The following NECAB3 variants were observed in gnomAD, a reference collection of about 807,000 sequenced individuals.
NECAB3 encodes the protein N-terminal EF-hand calcium binding protein 3.
Under a neutral mutation model 57.2 loss-of-function variants are expected in NECAB3, and 38 were observed. The observed-to-expected ratio is 0.66, with a 90% CI of 0.51 to 0.87. The LOEUF (loss-of-function observed/expected upper bound fraction) is 0.87, where lower values mean the gene tolerates loss of function less well. Ranked by LOEUF, NECAB3 falls within the 40% of genes least tolerant of loss-of-function variation. NECAB3 has a pLI of 0.00. For synonymous variants in NECAB3, 223 were observed against 222.6 expected, an observed-to-expected ratio of 1.00 and a Z score of -0.02; for missense variants, 474 against 527.5, an observed-to-expected ratio of 0.90 and a Z score of 0.99.
At chr20:33,662,957 C>G (rs1289293583) in intron 5 of NECAB3, among the ~76,000 whole-genome samples, 2 of 152,150 alleles carry the variant, frequency 1.3e-5, no homozygotes, top group African/African-American at 2.4e-5. Flanking sequence ...AAAAAAAGCC[C>G]AGAAGGGAGG....
At position 33,670,759 on chromosome 20, in the gene NECAB3, T is replaced by C. The variant is rs2017812701; in HGVS notation, c.188A>G (p.Asn63Ser). The change falls in exon 3 of 12, where the codon AAT (asparagine) becomes AGT (serine). Residue 63 changes from asparagine (N) to serine (S), a missense_variant. Asn to Ser is a conservative substitution (Grantham distance 46). Coordinates refer to ENST00000246190, the MANE Select transcript of NECAB3 (RefSeq NM_031232.4). ...DGKLSFEEFQ[N>S]YFADGVLSLG... ...GCTGAGAACCCCATCGGCAAAGTAA[T>C]TCTGGAATTCCTCAAATGAGAGCTT... 6.2e-7 allele frequency: 1 copy of C among 1,614,022 alleles called. No homozygotes were observed. Among genetic ancestry groups the C allele is most frequent in the Non-Finnish European group, 8.5e-7 (1 of 1,179,940 alleles).
chr20:33,663,435 G>T, intron 5 of NECAB3: 1 of 1,324,536 alleles, frequency 7.5e-7, no homozygotes, highest in South Asian at 1.3e-5. Context: ...GACAGGACCC[G>T]GGTGGACGAG....
chr20:33,662,799 G>A, intron 5 of NECAB3: 1 of 281,054 alleles, frequency 3.6e-6, no homozygotes. Flanking sequence ...TTAGCTGGTT[G>A]TGGTGGTGAA....
chr20:33,658,131 C>G lies in NECAB3; in HGVS notation c.1071-98G>C, dbSNP rs922735321. ...GGCCCTTCTCACACTGCCTCTGGAG[C>G]CTCAGTCCTCTCCCCTGTGACACGG... On this transcript the variant is annotated intron_variant, in intron 10 of 11. Transcript: ENST00000246190. The G allele has an allele frequency of 1.0e-5, 11 of 1,057,768 alleles. No individual in the cohort carries two copies. In the Admixed American group the frequency reaches 2.4e-4, roughly 23 times the overall value. The allele number at this position is 1,057,768 out of a possible 1,614,324, so 65.5% of individuals were successfully genotyped here. A position where few individuals can be genotyped will look rare whatever the true frequency, so the allele number is the denominator to read the frequency against.
chr20:33,661,019 G>A (rs747953935), intron 5 of NECAB3, among the ~76,000 whole-genome samples: 1 of 152,194 alleles, frequency 6.6e-6, no homozygotes, highest in Admixed American at 6.5e-5. Flanking sequence ...GCTAGGCCCT[G>A]CATGGCCCAG....
intron 5 of NECAB3, chr20:33,668,073 C>T: frequency 6.3e-7 from 1 of 1,580,512 alleles, no homozygotes; most frequent in Non-Finnish European, 8.6e-7. Context: ...GGCACGGCTA[C>T]GCGGCCCTGC....
intron 5 of NECAB3, chr20:33,667,541 T>G (rs2017700312): frequency 6.5e-7 from 1 of 1,545,236 alleles, no homozygotes; most frequent in African/African-American, 1.4e-5. Context: ...ACCGGCGCGT[T>G]CAGCGGGCTG....
At position 33,668,067 on chromosome 20, in the gene NECAB3, C is replaced by T. The variant is rs142321751; in HGVS notation, c.387+1308G>A. On this transcript the variant is annotated intron_variant, in intron 5 of 11. Coordinates refer to ENST00000246190, the MANE Select transcript of NECAB3 (RefSeq NM_031232.4). The stretch of plus-strand genomic sequence containing the variant: ...AGCTGGAGGCGCAGTGCCGGCGGCA[C>T]GGCTACGCGGCCCTGCGGCCCCACC... 1,675 of 1,573,870 alleles carry T rather than the reference C, an allele frequency of 1.1e-3. 10 individuals are homozygous for T. In the African/African-American group the frequency reaches 0.019, roughly 18 times the overall value.
Position 33,658,503 on chromosome 20 carries a change from G to C in NECAB3, c.1044C>G (p.Phe348Leu). ...LDGASFTLYE[F>L]WQDEASWRRH... Reference sequence around the variant, plus strand: ...TTCTCCAGGAGGCCTCATCCTGCCAGAACTCATACAGGGTGAAGGAGGCAC... The same window carrying C: ...TTCTCCAGGAGGCCTCATCCTGCCACAACTCATACAGGGTGAAGGAGGCAC... Residue 348 changes from phenylalanine (F) to leucine (L), a missense_variant, in exon 10 of 12, where the codon TTC becomes TTG. Phe to Leu is a conservative substitution (Grantham distance 22). Coordinates refer to ENST00000246190, the MANE Select transcript of NECAB3 (RefSeq NM_031232.4). The C allele has an allele frequency of 6.2e-7, 1 of 1,614,030 alleles. No individual in the cohort carries two copies. Among genetic ancestry groups the C allele is most frequent in the South Asian group, 1.1e-5 (1 of 91,058 alleles).
In NECAB3 at chr20:33,659,598, C is replaced by T. The variant is rs1367901848; in HGVS notation, c.778G>A (p.Glu260Lys). The change falls in exon 8 of 12, where the codon GAG (glutamate) becomes AAG (lysine). Residue 260 changes from glutamate (E) to lysine (K), a missense_variant. Coordinates refer to ENST00000246190, the MANE Select transcript of NECAB3 (RefSeq NM_031232.4). ...CCGGGCCTCCAGCATGGGCCTGGCT[C>T]TGGTGGATACCAGGAGGGTCCTCCC... ...HKGGPSWYPPEPGPCWRPGPH... is the reference protein window; with the variant it reads ...HKGGPSWYPPKPGPCWRPGPH... 1 of 1,605,794 alleles carries T rather than the reference C, an allele frequency of 6.2e-7. No homozygotes were observed. Among genetic ancestry groups the T allele is most frequent in the Non-Finnish European group, 8.5e-7 (1 of 1,176,660 alleles).
Position 33,661,263 on chromosome 20 carries a change from T to C in NECAB3, c.388-868A>G, listed in dbSNP as rs79622983. 5.3e-3 allele frequency among the ~76,000 whole-genome samples: 804 copies of C among 151,708 alleles called. 10 individuals are homozygous for C. The highest frequency in any genetic ancestry group is 0.018 in the African/African-American group (754 of 41,328). ...GCCTGCCCACTTGTACACCCAGGAG[T>C]CACAGATGTCCTGAGAATTGCCTAA... On this transcript the variant is annotated intron_variant, in intron 5 of 11. Transcript: ENST00000246190.
rs766879492 is a variant in NECAB3, at chr20:33,663,726, G to A, written c.388-3331C>T. On this transcript the variant is annotated intron_variant, in intron 5 of 11. Transcript: ENST00000246190. ...TGCGGCGGCAAGAGGCGCGGCGGCC[G>A]GAAGAGGGCGGGGCCAGGGCAGCTC... The A allele has an allele frequency of 2.5e-5, 38 of 1,534,478 alleles. No individual in the cohort carries two copies. In the African/African-American group the frequency reaches 4.4e-4, roughly 18 times the overall value.
chr20:33,660,370 T>A lies in NECAB3; in HGVS notation c.413A>T (p.Asp138Val), dbSNP rs773264107. The A allele has an allele frequency of 1.2e-6, 2 of 1,613,646 alleles. No homozygotes were observed. Among genetic ancestry groups the A allele is most frequent in the South Asian group, 2.2e-5 (2 of 91,072 alleles). Reference protein sequence around the residue: ...KLEYERASKVDQFVTRFLLRE... With the variant: ...KLEYERASKVVQFVTRFLLRE... Reference sequence around the variant, plus strand: ...CAGCAGGAAGCGCGTCACAAACTGGTCCACTTTGGAGGCCCTCTCGTACTC... The same window carrying A: ...CAGCAGGAAGCGCGTCACAAACTGGACCACTTTGGAGGCCCTCTCGTACTC... The change falls in exon 6 of 12, where the codon GAC (aspartate) becomes GTC (valine). Residue 138 changes from aspartate to valine, a missense_variant. By Grantham distance (152) the Asp-to-Val change is radical (BLOSUM62 -3). Transcript: ENST00000246190. This position sits in a 1 kb window ranked among gnomAD's most constrained non-coding sequence, Gnocchi z 4.1.
intron 5 of NECAB3, among the ~76,000 whole-genome samples, chr20:33,663,144 T>A (rs986445628): frequency 6.6e-6 from 1 of 152,112 alleles, no homozygotes; most frequent in African/African-American, 2.4e-5. Flanking sequence ...TCTCTTCAGC[T>A]CCTAGGCTCA....
chr20:33,661,671 GAC>G (rs1601155757), intron 5 of NECAB3, among the ~76,000 whole-genome samples: 2 of 152,202 alleles, frequency 1.3e-5, no homozygotes, highest in African/African-American at 4.8e-5. Flanking sequence ...GTTTTTCTGA[GAC>G]AGAGTCTCAC....
intron 2 of NECAB3, 42 bp from the exon 3 acceptor site, chr20:33,670,834 C>T (rs190741226): frequency 1.4e-6 from 2 of 1,444,656 alleles, no homozygotes; most frequent in East Asian, 2.3e-5. Flanking sequence ...GGAGGTATCC[C>T]TGACCCTGAC....
At chr20:33,658,602 T>A in intron 9 of NECAB3, 48 bp from the exon 10 acceptor site, 1 of 1,609,492 alleles carries the variant, frequency 6.2e-7, no homozygotes, top group Non-Finnish European at 8.5e-7. Flanking sequence ...TGCCACCACC[T>A]CTGCCTCCCC....
At chr20:33,658,627 TG>T (rs2017358524) in intron 9 of NECAB3, 73 bp from the exon 10 acceptor site, 1 of 1,602,802 alleles carries the variant, frequency 6.2e-7, no homozygotes, top group African/African-American at 1.3e-5. Flanking sequence ...TGGGGCCTCA[TG>T]GGAACCCTGA....
Position 33,659,905 on chromosome 20 carries a change from G to C in NECAB3, c.623C>G (p.Ser208Cys), listed in dbSNP as rs759038598. 8.0e-5 allele frequency: 124 copies of C among 1,546,928 alleles called. No individual in the cohort carries two copies. Among genetic ancestry groups the C allele is most frequent in the Non-Finnish European group, 1.1e-4 (122 of 1,148,040 alleles). Reference protein sequence around the residue: ...LRSVSRSSTWSPGSSDTGRSS... With the variant: ...LRSVSRSSTWCPGSSDTGRSS... ...CGCACCTGTGTCAGAAGAGCCGGGG[G>C]ACCAGGTGGATGACCGGCTGACACT... The change falls in exon 7 of 12, where the codon TCC becomes TGC. Residue 208 changes from serine to cysteine, a missense_variant. Transcript: ENST00000246190.
Sources: gnomAD v4.1 joint callset for allele counts (sites outside exome capture counted in the v4.1 genomes callset) on GRCh38, gnomAD v4.1.1 for gene constraint, Gnocchi (gnomAD v3.1) non-coding constraint, MANE v1.5 for transcripts, NCBI Gene and HGNC (gene_info 2026-07-23, HGNC 2026-07-21) for gene names.